ARHGAP24: variants seen among roughly 807,000 people sequenced by gnomAD.
ARHGAP24 encodes the protein rho GTPase-activating protein 24.
Under a neutral mutation model 76.4 loss-of-function variants are expected in ARHGAP24, and 50 were observed. The ratio of observed to expected loss-of-function variants is 0.65; its 90% CI spans 0.52 to 0.83. The LOEUF (loss-of-function observed/expected upper bound fraction) is 0.83, where lower values mean the gene tolerates loss of function less well. Among genes scored for constraint, ARHGAP24 ranks in the 40% least tolerant of loss-of-function variants. The pLI, the probability that ARHGAP24 is intolerant of heterozygous loss-of-function variation, is 0.00. For synonymous variants in ARHGAP24, 345 were observed against 323.3 expected, an observed-to-expected ratio of 1.07 and a Z score of -0.72; for missense variants, 930 against 914.2, an observed-to-expected ratio of 1.02 and a Z score of -0.22.
At chr4:85,993,724 G>A (rs190471848) in intron 8 of ARHGAP24, among the ~76,000 whole-genome samples, 24 of 152,256 alleles carry the variant, frequency 1.6e-4, no homozygotes, top group Admixed American at 5.2e-4. Flanking sequence ...CCATTCCAGT[G>A]GCTGCCAGAT....
Position 85,642,569 on chromosome 4 carries a change from T to C in ARHGAP24, c.180+71848T>C, listed in dbSNP as rs1416222256. On this transcript the variant is annotated intron_variant, in intron 2 of 9. Coordinates refer to ENST00000395184, the MANE Select transcript of ARHGAP24 (RefSeq NM_001025616.3). Reference sequence around the variant, plus strand: ...AAAACTTGAGAGTCACGCTTGACTCTTCTTTCTCTCACAATAGCTCACATT... The same window carrying C: ...AAAACTTGAGAGTCACGCTTGACTCCTCTTTCTCTCACAATAGCTCACATT... Among the ~76,000 whole-genome samples, 3 of 126,672 alleles carry C rather than the reference T, an allele frequency of 2.4e-5. No homozygotes were observed. In the Admixed American group the frequency reaches 2.5e-4, roughly 11 times the overall value. 83.1% of individuals were successfully genotyped at this position (126,672 alleles called of 152,430 possible). A position where few individuals can be genotyped will look rare whatever the true frequency, so the allele number is the denominator to read the frequency against.
intron 1 of ARHGAP24, among the ~76,000 whole-genome samples, chr4:85,488,182 C>T (rs533138118): frequency 6.6e-6 from 1 of 151,832 alleles, no homozygotes; most frequent in South Asian, 2.1e-4. Flanking sequence ...GCCGAAGCCA[C>T]CTTGATATTT....
At chr4:85,660,657 A>G (rs1202597310) in intron 2 of ARHGAP24, among the ~76,000 whole-genome samples, 2 of 152,012 alleles carry the variant, frequency 1.3e-5, no homozygotes, top group Non-Finnish European at 2.9e-5. Context: ...TTAGCTGGGC[A>G]TGGTGGCACA....
chr4:85,617,588 G>A (rs1427991892), intron 2 of ARHGAP24, among the ~76,000 whole-genome samples: 1 of 151,920 alleles, frequency 6.6e-6, no homozygotes, highest in Admixed American at 6.6e-5. Context: ...TATATTCATG[G>A]GCATTTAGAT....
chr4:85,608,597 C>T (rs1720283607), intron 2 of ARHGAP24, among the ~76,000 whole-genome samples: 1 of 134,952 alleles, frequency 7.4e-6, no homozygotes, highest in South Asian at 2.4e-4. Flanking sequence ...CTTGCTCTGT[C>T]GCCAGGCTGG....
intron 3 of ARHGAP24, among the ~76,000 whole-genome samples, chr4:85,728,420 C>T (rs1725255959): frequency 1.3e-5 from 2 of 152,120 alleles, no homozygotes; most frequent in Admixed American, 1.3e-4. Context: ...TTTAGCTAAT[C>T]TGTCTATGTT....
At chr4:85,973,643 T>G (rs1490669468) in intron 6 of ARHGAP24, among the ~76,000 whole-genome samples, 1 of 152,170 alleles carries the variant, frequency 6.6e-6, no homozygotes, top group Non-Finnish European at 1.5e-5. Context: ...TTCTAAGACT[T>G]CTATAGCTTC....
intron 4 of ARHGAP24, among the ~76,000 whole-genome samples, chr4:85,941,452 C>G (rs964280690): frequency 1.3e-5 from 2 of 152,192 alleles, no homozygotes; most frequent in African/African-American, 4.8e-5. Context: ...TTCTAGTGTG[C>G]TCTGCTTTGT....
chr4:85,959,984 C>T (rs527325558), intron 5 of ARHGAP24, among the ~76,000 whole-genome samples: 2 of 152,044 alleles, frequency 1.3e-5, no homozygotes, highest in Non-Finnish European at 2.9e-5. Flanking sequence ...TAACCAGAGG[C>T]TTAGTTACTG....
chr4:85,978,216 G>A (rs913283921), intron 8 of ARHGAP24, among the ~76,000 whole-genome samples: 1 of 152,064 alleles, frequency 6.6e-6, no homozygotes, highest in African/African-American at 2.4e-5. Context: ...TTTCCCAGCA[G>A]GCCTAGGTGC....
chr4:85,546,469 C>G (rs528370851), intron 1 of ARHGAP24, among the ~76,000 whole-genome samples: 1 of 152,308 alleles, frequency 6.6e-6, no homozygotes, highest in East Asian at 1.9e-4. Flanking sequence ...TCCTACTAAT[C>G]ATATTACCTG....
At chr4:85,734,310 A>G (rs895116852) in intron 3 of ARHGAP24, among the ~76,000 whole-genome samples, 2 of 152,218 alleles carry the variant, frequency 1.3e-5, no homozygotes, top group Non-Finnish European at 2.9e-5. Context: ...CACTTTGCCC[A>G]AAGGAAATAC....
At chr4:85,749,547 TAC>T (rs560690538) in intron 3 of ARHGAP24, among the ~76,000 whole-genome samples, 1 of 152,150 alleles carries the variant, frequency 6.6e-6, no homozygotes, top group African/African-American at 2.4e-5. Context: ...CCCCCACAGA[TAC>T]AGTTTTTTGT....
At chr4:85,700,357 C>G (rs1724030306) in intron 2 of ARHGAP24, among the ~76,000 whole-genome samples, 1 of 148,140 alleles carries the variant, frequency 6.8e-6, no homozygotes, top group Admixed American at 6.9e-5. Flanking sequence ...GATCATGCCA[C>G]TGCACACCTG....
chr4:85,477,745 A>C (rs1722655204), intron 1 of ARHGAP24, among the ~76,000 whole-genome samples: 1 of 152,110 alleles, frequency 6.6e-6, no homozygotes, highest in Non-Finnish European at 1.5e-5. Flanking sequence ...ACTGTGACCT[A>C]CTGGCCCATT....
At chr4:85,987,777 G>GA (rs939263025) in intron 8 of ARHGAP24, among the ~76,000 whole-genome samples, 10 of 151,706 alleles carry the variant, frequency 6.6e-5, no homozygotes, top group African/African-American at 2.2e-4. Flanking sequence ...GAAGCACAGA[G>GA]AAAAAATACT....
intron 5 of ARHGAP24, among the ~76,000 whole-genome samples, chr4:85,951,388 G>T (rs190483453): frequency 2.0e-5 from 3 of 152,096 alleles, no homozygotes; most frequent in Non-Finnish European, 4.4e-5. Flanking sequence ...CTTTCACATG[G>T]TCAAGGCCTA....
In ARHGAP24 at chr4:85,910,897, C is replaced by A. The variant is rs182580960; in HGVS notation, c.269-12751C>A. Among the ~76,000 whole-genome samples the A allele has an allele frequency of 3.9e-5, 6 of 152,272 alleles. No homozygotes were observed. The East Asian group carries it at 5.8e-4, about 15-fold the overall frequency. ...CCCGGCCTGAAGGTGGGGCCTCACC[C>A]GAGACCCACCCCCTCCCATCCAGGA... On this transcript the variant is annotated intron_variant, in intron 3 of 9. Coordinates refer to ENST00000395184, the MANE Select transcript of ARHGAP24 (RefSeq NM_001025616.3).
At chr4:85,830,461 A>G (rs1729935515) in intron 3 of ARHGAP24, among the ~76,000 whole-genome samples, 1 of 152,126 alleles carries the variant, frequency 6.6e-6, no homozygotes, top group African/African-American at 2.4e-5. Context: ...ACCTACCTCA[A>G]CAATTGTTTA....
Sources: gnomAD v4.1 joint callset for allele counts (sites outside exome capture counted in the v4.1 genomes callset) on GRCh38, gnomAD v4.1.1 for gene constraint, MANE v1.5 for transcripts, NCBI Gene and HGNC (gene_info 2026-07-23, HGNC 2026-07-21) for gene names.